The following FGFRL1 variants were observed in gnomAD, a reference collection of about 807,000 sequenced individuals.
FGFRL1 encodes fibroblast growth factor receptor like 1.
In FGFRL1, 24 loss-of-function variants were observed where a neutral mutation model predicts 36.8. That is an observed-to-expected ratio of 0.65 (90% CI 0.47 to 0.92). The LOEUF is 0.92. Among genes scored for constraint, FGFRL1 ranks in the 40% least tolerant of loss-of-function variants. FGFRL1 has a pLI of 0.00. For synonymous variants in FGFRL1, 422 were observed against 344.1 expected (o/e 1.23, Z -2.50); for missense variants, 785 against 753.4 (o/e 1.04, Z -0.49).
chr4:1,025,312 G>A lies in FGFRL1; in HGVS notation c.1480G>A (p.Gly494Ser). 6.4e-7 allele frequency: 1 copy of A among 1,562,550 alleles called. No individual in the cohort carries two copies. Among genetic ancestry groups the A allele is most frequent in the Non-Finnish European group, 8.7e-7 (1 of 1,153,190 alleles). Residue 494 changes from glycine to serine, a missense_variant, in exon 7 of 7, where the codon GGC becomes AGC. Gly to Ser is a moderately conservative substitution (Grantham distance 56). Transcript: ENST00000510644. ...THSHTHSHVE[G>S]KVHQHIHYQC ...CTCTCACACACACTCACACGTGGAG[G>A]GCAAGGTCCACCAGCACATCCACTA...
chr4:1,025,762 GCA>G lies in FGFRL1; in HGVS notation c.*421_*422del, dbSNP rs1267817381. 1.1e-5 allele frequency: 3 copies of G among 262,394 alleles called. No homozygotes were observed. Among genetic ancestry groups the G allele is most frequent in the African/African-American group, 2.3e-5 (1 of 43,930 alleles). 16.3% of individuals were successfully genotyped at this position (262,394 alleles called of 1,614,324 possible). ...ACACACACGGATATGCTGTCTGGAC[GCA>G]CACACGTGCAGATATGGTATCCGGA... On this transcript the variant is annotated 3_prime_UTR_variant, in exon 7 of 7. Transcript: ENST00000510644.
upstream of FGFRL1, chr4:1,011,046 C>T (rs1041525861): frequency 6.6e-6 from 1 of 152,104 alleles, no homozygotes; most frequent in African/African-American, 2.4e-5. Flanking sequence ...TACCCCGTCC[C>T]CAGCAGCTCC....
At chr4:1,010,845 C>T (rs895642871), upstream of FGFRL1, 1 of 152,244 alleles carries the variant, frequency 6.6e-6, no homozygotes, top group African/African-American at 2.4e-5. Context: ...CTCCTGGGGC[C>T]GCCTGCCCGG....
chr4:1,018,562 TGGA>T (rs2153026084), intron 2 of FGFRL1, among the ~76,000 whole-genome samples: 1 of 152,210 alleles, frequency 6.6e-6, no homozygotes, highest in South Asian at 2.1e-4. Flanking sequence ...GGGGCTGTGC[TGGA>T]GGAGGAGGCT....
intron 2 of FGFRL1, among the ~76,000 whole-genome samples, chr4:1,018,616 C>A (rs934116146): frequency 2.6e-5 from 4 of 152,178 alleles, no homozygotes; most frequent in African/African-American, 9.7e-5. Context: ...GGAGGTGGCA[C>A]AGTGCTGCTG....
intron 2 of FGFRL1, among the ~76,000 whole-genome samples, chr4:1,012,841 T>C (rs1001642739): frequency 2.0e-5 from 3 of 152,240 alleles, no homozygotes; most frequent in African/African-American, 4.8e-5. Context: ...CTCCTGGTCT[T>C]GCAAACACTT....
intron 2 of FGFRL1, among the ~76,000 whole-genome samples, chr4:1,017,512 G>A (rs142361119): frequency 5.9e-5 from 9 of 152,198 alleles, no homozygotes; most frequent in Admixed American, 2.0e-4. Context: ...GGAAGCCCCC[G>A]TTGTCCCTAC....
Position 1,025,944 on chromosome 4 carries a change from C to T in FGFRL1, c.*597C>T, listed in dbSNP as rs1232828339. 1 of 162,360 alleles carries T rather than the reference C, an allele frequency of 6.2e-6. No individual in the cohort carries two copies. Among genetic ancestry groups the T allele is most frequent in the Non-Finnish European group, 1.3e-5 (1 of 74,922 alleles). The allele number at this position is 162,360 out of a possible 1,614,324, so 10.1% of individuals were successfully genotyped here. A position where few individuals can be genotyped will look rare whatever the true frequency, so the allele number is the denominator to read the frequency against. On this transcript the variant is annotated 3_prime_UTR_variant, in exon 7 of 7. Transcript: ENST00000510644. ...TGCAGATATGCTGCCTGGACACACA[C>T]TTCCAGACACACGTGCACAGGCGCA...
In FGFRL1 at chr4:1,025,047, G is replaced by A. The variant is rs776185476; in HGVS notation, c.1215G>A (p.Pro405=). 3.0e-5 allele frequency: 49 copies of A among 1,610,332 alleles called. 1 individual carries two copies. The Middle Eastern group carries it at 1.3e-3, about 44-fold the overall frequency. The change falls in exon 7 of 7, where the codon CCG becomes CCA. Residue 405 remains proline (P), a synonymous_variant. Coordinates refer to ENST00000510644, the MANE Select transcript of FGFRL1 (RefSeq NM_001004356.3). ...GGCTTTGCCAGGCCCAGAAGAAGCCGTGCACCCCCGCGCCTGCCCCTCCCC... is the reference window on the plus strand; with the variant it reads ...GGCTTTGCCAGGCCCAGAAGAAGCCATGCACCCCCGCGCCTGCCCCTCCCC... ...LLWLCQAQKK[P]CTPAPAPPLP...
rs915690486 is a variant in FGFRL1, at chr4:1,023,085, C to T, written c.353-556C>T. Among the ~76,000 whole-genome samples the T allele has an allele frequency of 6.6e-6, 1 of 152,052 alleles. No individual in the cohort carries two copies. The highest frequency in any genetic ancestry group is 1.5e-5 in the Non-Finnish European group (1 of 67,950). On this transcript the variant is annotated intron_variant, in intron 3 of 6. Transcript: ENST00000510644. The surrounding 1 kb of genome is among the most constrained non-coding windows in gnomAD (Gnocchi z 6.0). ...CGTTTTCTGAATACAGGAGCCTGGC[C>T]CAGGCCCCAGCAGGGTCTGGGGGTG... is the stretch of plus-strand genomic sequence containing the variant.
chr4:1,023,797 C>A lies in FGFRL1; in HGVS notation c.434-20C>A. The stretch of plus-strand genomic sequence containing the variant: ...GGCTGCATCCCCGTCCTCTGACCTC[C>A]ACGCCACCCCACCCCGCAGCACGAC... On this transcript the variant is annotated intron_variant, in intron 4 of 6. Coordinates refer to ENST00000510644, the MANE Select transcript of FGFRL1 (RefSeq NM_001004356.3). The surrounding 1 kb of genome is among the most constrained non-coding windows in gnomAD (Gnocchi z 6.0). The A allele has an allele frequency of 1.3e-6, 2 of 1,568,218 alleles. No individual in the cohort carries two copies. The highest frequency in any genetic ancestry group is 1.4e-5 in the African/African-American group (1 of 74,002).
Position 1,025,072 on chromosome 4 carries a change from C to T in FGFRL1, c.1240C>T (p.Leu414=), listed in dbSNP as rs2153027458. The change falls in exon 7 of 7, where the codon CTG becomes TTG. Residue 414 remains leucine, a synonymous_variant. Transcript: ENST00000510644. Reference sequence around the variant, plus strand: ...GTGCACCCCCGCGCCTGCCCCTCCCCTGCCTGGGCACCGCCCGCCGGGGAC... The same window carrying T: ...GTGCACCCCCGCGCCTGCCCCTCCCTTGCCTGGGCACCGCCCGCCGGGGAC... ...KPCTPAPAPP[L]PGHRPPGTAR... The T allele has an allele frequency of 6.2e-7, 1 of 1,609,884 alleles. No individual in the cohort carries two copies. Among genetic ancestry groups the T allele is most frequent in the Non-Finnish European group, 8.5e-7 (1 of 1,178,474 alleles).
chr4:1,013,496 G>A (rs528807893), intron 2 of FGFRL1, among the ~76,000 whole-genome samples: 95 of 152,172 alleles, frequency 6.2e-4, no homozygotes, highest in African/African-American at 1.6e-3. Context: ...GCTGGGTGGC[G>A]GGCGGTGACC....
intron 5 of FGFRL1, 33 bp from the exon 6 acceptor site, chr4:1,024,278 C>G (rs753928771): frequency 1.7e-5 from 27 of 1,556,190 alleles, no homozygotes; most frequent in Non-Finnish European, 2.3e-5. Context: ...CGGCGCGGCC[C>G]AGGAGCCATG....
upstream of FGFRL1, chr4:1,010,232 C>T (rs1043235030): frequency 1.3e-5 from 2 of 152,234 alleles, no homozygotes; most frequent in African/African-American, 4.8e-5. Context: ...AGGACGTTCT[C>T]CCGCCGGGAG....
intron 2 of FGFRL1, among the ~76,000 whole-genome samples, chr4:1,016,736 C>T (rs1715905270): frequency 1.3e-5 from 2 of 152,112 alleles, no homozygotes; most frequent in African/African-American, 4.8e-5. Flanking sequence ...TCTGTGTATG[C>T]AGGTGCACAT....
At position 1,025,565 on chromosome 4, in the gene FGFRL1, C is replaced by T; in HGVS notation, c.*218C>T. The T allele has an allele frequency of 1.6e-6, 1 of 635,266 alleles. No individual in the cohort carries two copies. Among genetic ancestry groups the T allele is most frequent in the Non-Finnish European group, 2.7e-6 (1 of 372,978 alleles). 39.4% of individuals were successfully genotyped at this position (635,266 alleles called of 1,614,324 possible). Reference sequence around the variant, plus strand: ...GCACACACATGCGCGCACACGTGCTCCCTGAAGGCACACGTACGCACACAC... The same window carrying T: ...GCACACACATGCGCGCACACGTGCTTCCTGAAGGCACACGTACGCACACAC... On this transcript the variant is annotated 3_prime_UTR_variant, in exon 7 of 7. Coordinates refer to ENST00000510644, the MANE Select transcript of FGFRL1 (RefSeq NM_001004356.3).
intron 2 of FGFRL1, among the ~76,000 whole-genome samples, chr4:1,014,612 G>A (rs906928845): frequency 5.1e-5 from 7 of 136,470 alleles, no homozygotes; most frequent in Admixed American, 2.8e-4. Context: ...TCCCTGTGGG[G>A]GCAAGAGTCT....
rs748971007 is a variant in FGFRL1 at position 1,023,662 on chromosome 4, A to T, written c.374A>T (p.Glu125Val). The change falls in exon 4 of 7, where the codon GAG becomes GTG. Residue 125 changes from glutamate (E) to valine (V), a missense_variant. Transcript: ENST00000510644. This position sits in a 1 kb window ranked among gnomAD's most constrained non-coding sequence, Gnocchi z 6.0. The part of the protein sequence containing the change: ...VVLDDISPGK[E>V]SLGPDSSSGG... ...GCAGATGACATTAGCCCAGGGAAGGAGAGCCTGGGGCCCGACAGCTCCTCT... is the reference window on the plus strand; with the variant it reads ...GCAGATGACATTAGCCCAGGGAAGGTGAGCCTGGGGCCCGACAGCTCCTCT... 1.2e-6 allele frequency: 2 copies of T among 1,604,154 alleles called. No individual in the cohort carries two copies. The highest frequency in any genetic ancestry group is 1.7e-6 in the Non-Finnish European group (2 of 1,177,424).
Sources: allele counts gnomAD v4.1 joint callset (sites outside exome capture counted in the v4.1 genomes callset), GRCh38; gene constraint gnomAD v4.1.1; non-coding constraint Gnocchi (gnomAD v3.1); transcripts MANE v1.5; gene names NCBI Gene and HGNC (gene_info 2026-07-23, HGNC 2026-07-21).